Variants in CDH18 observed in about 807,000 individuals in gnomAD.
CDH18 encodes cadherin-18.
CDH18 carries 31 observed loss-of-function variants against 67.9 expected under a neutral mutation model. The ratio of observed to expected loss-of-function variants is 0.46; its 90% CI spans 0.34 to 0.62. The LOEUF (loss-of-function observed/expected upper bound fraction) is 0.62, where lower values mean the gene tolerates loss of function less well. CDH18 is among the 20% of genes least tolerant of loss of function. The pLI, the probability that CDH18 is intolerant of heterozygous loss-of-function variation, is 0.01. For missense variants in CDH18, 890 were observed against 975.5 expected (o/e 0.91, Z 1.17); for synonymous variants, 362 against 347.2 (o/e 1.04, Z -0.48).
chr5:20,104,487 C>T (rs1297277491), intron 2 of CDH18, among the ~76,000 whole-genome samples: 1 of 152,046 alleles, frequency 6.6e-6, no homozygotes. Context: ...TCTTAGAATG[C>T]GAGTCTCCTC....
rs78744521 is a variant in CDH18 at position 20,459,968 on chromosome 5, T to C, written c.-580+115494A>G. Among the ~76,000 whole-genome samples, 67 of 152,294 alleles carry C rather than the reference T, an allele frequency of 4.4e-4. No homozygotes were observed. In the East Asian group the frequency reaches 0.012, roughly 27 times the overall value. On this transcript the variant is annotated intron_variant, in intron 1 of 14. Coordinates refer to the CDH18 transcript ENST00000507958. ...TTTTGAATAGATTCTCTCCTTCACT[T>C]ATATCCCAGAAGGGAGGCAGGGAAA...
At chr5:19,908,311 A>C (rs1790750172) in intron 2 of CDH18, among the ~76,000 whole-genome samples, 1 of 152,060 alleles carries the variant, frequency 6.6e-6, no homozygotes, top group Non-Finnish European at 1.5e-5. Flanking sequence ...CTTCTTATTT[A>C]TATACAGAAA....
chr5:20,267,344 T>C (rs139305916), intron 1 of CDH18, among the ~76,000 whole-genome samples: 9 of 152,214 alleles, frequency 5.9e-5, no homozygotes, highest in Admixed American at 1.3e-4. Flanking sequence ...AGCCTTGTAA[T>C]ATAATCTGAA....
At chr5:19,679,365 C>T (rs1235941947) in intron 5 of CDH18, among the ~76,000 whole-genome samples, 15 of 151,928 alleles carry the variant, frequency 9.9e-5, no homozygotes, top group South Asian at 4.2e-4. Context: ...TAGGCAAAAG[C>T]TAAAAAAATT....
At chr5:19,915,686 T>A (rs1357403336) in intron 2 of CDH18, among the ~76,000 whole-genome samples, 1 of 152,070 alleles carries the variant, frequency 6.6e-6, no homozygotes, top group Non-Finnish European at 1.5e-5. Context: ...TACATATATA[T>A]CATTGTTTGT....
chr5:19,675,764 T>C (rs1198959251), intron 5 of CDH18, among the ~76,000 whole-genome samples: 2 of 151,996 alleles, frequency 1.3e-5, no homozygotes, highest in Admixed American at 1.3e-4. Flanking sequence ...AAGACAGGCA[T>C]AGGAAATCAC....
chr5:20,218,277 A>T (rs1187754654), intron 2 of CDH18, among the ~76,000 whole-genome samples: 7 of 151,992 alleles, frequency 4.6e-5, no homozygotes, highest in African/African-American at 9.7e-5. Flanking sequence ...CCACAAAAAA[A>T]GTTTTAAAAA....
intron 2 of CDH18, among the ~76,000 whole-genome samples, chr5:20,142,431 T>C (rs1750315637): frequency 6.6e-6 from 1 of 151,652 alleles, no homozygotes; most frequent in Admixed American, 6.6e-5. Context: ...AATACAAAAA[T>C]TGGCCCGGCG....
intron 1 of CDH18, among the ~76,000 whole-genome samples, chr5:20,288,574 C>T (rs1746863442): frequency 6.6e-6 from 1 of 151,634 alleles, no homozygotes; most frequent in South Asian, 2.1e-4. Context: ...TAATTCATGA[C>T]ATCAAAATAA....
intron 2 of CDH18, among the ~76,000 whole-genome samples, chr5:19,910,580 A>C (rs1791019979): frequency 6.6e-6 from 1 of 152,206 alleles, no homozygotes. Context: ...ATAATTAATA[A>C]GATTTATAGG....
intron 2 of CDH18, among the ~76,000 whole-genome samples, chr5:20,095,851 A>T (rs893588688): frequency 1.3e-5 from 2 of 151,768 alleles, no homozygotes; most frequent in Non-Finnish European, 2.9e-5. Context: ...AATGTAGAAA[A>T]TCTAGAATAA....
At chr5:19,659,268 C>T (rs1234108869) in intron 5 of CDH18, among the ~76,000 whole-genome samples, 1 of 152,058 alleles carries the variant, frequency 6.6e-6, no homozygotes, top group Non-Finnish European at 1.5e-5. Flanking sequence ...ACACAAGTGC[C>T]TTTCTCAATG....
intron 2 of CDH18, among the ~76,000 whole-genome samples, chr5:19,960,200 ATTAT>A (rs1796652684): frequency 6.6e-6 from 1 of 151,968 alleles, no homozygotes; most frequent in South Asian, 2.1e-4. Context: ...CAGCTGTTTA[ATTAT>A]TTTAAAACGT....
chr5:19,966,142 A>G (rs868862990), intron 2 of CDH18, among the ~76,000 whole-genome samples: 2 of 152,214 alleles, frequency 1.3e-5, no homozygotes, highest in Non-Finnish European at 2.9e-5. Context: ...AAGAAAGGCA[A>G]CAGAAAGATC....
chr5:20,572,565 A>C (rs1050368078), intron 1 of CDH18, among the ~76,000 whole-genome samples: 1 of 152,134 alleles, frequency 6.6e-6, no homozygotes, highest in African/African-American at 2.4e-5. Context: ...AGGGCTTCTT[A>C]TTGATCTTAA....
At chr5:19,586,019 T>C (rs1395421182) in intron 7 of CDH18, among the ~76,000 whole-genome samples, 1 of 152,076 alleles carries the variant, frequency 6.6e-6, no homozygotes, top group Non-Finnish European at 1.5e-5. Flanking sequence ...AAAGCGGGGA[T>C]AATAACACTC....
At chr5:19,732,804 T>C (rs1767792935) in intron 4 of CDH18, among the ~76,000 whole-genome samples, 1 of 152,218 alleles carries the variant, frequency 6.6e-6, no homozygotes, top group African/African-American at 2.4e-5. Context: ...CACTAGATTC[T>C]TTCCTTTTAA....
intron 1 of CDH18, among the ~76,000 whole-genome samples, chr5:20,317,171 C>G (rs1737548859): frequency 6.6e-6 from 1 of 151,850 alleles, no homozygotes; most frequent in African/African-American, 2.4e-5. Context: ...TTTTGAGAAG[C>G]ATATATTCCT....
At chr5:20,039,242 T>A (rs1021167462) in intron 2 of CDH18, among the ~76,000 whole-genome samples, 2 of 152,136 alleles carry the variant, frequency 1.3e-5, no homozygotes, top group East Asian at 3.8e-4. Flanking sequence ...ATAGGAAGAA[T>A]CAATATCATG....
Sources: gnomAD v4.1 joint callset for allele counts (sites outside exome capture counted in the v4.1 genomes callset) on GRCh38, gnomAD v4.1.1 for gene constraint, MANE v1.5 for transcripts, NCBI Gene and HGNC (gene_info 2026-07-23, HGNC 2026-07-21) for gene names.